MAP4K3: variants seen among roughly 807,000 people sequenced by gnomAD.
MAP4K3 encodes MAPK/ERK kinase kinase kinase 3.
A neutral mutation model predicts 143.5 loss-of-function variants in MAP4K3; 94 were observed. That is an observed-to-expected ratio of 0.65 (90% CI 0.55 to 0.78). MAP4K3 has a LOEUF of 0.78. Ranked by LOEUF, MAP4K3 falls within the 30% of genes least tolerant of loss-of-function variation. MAP4K3 has a pLI of 0.00. For synonymous variants in MAP4K3, 416 were observed against 347.2 expected, an observed-to-expected ratio of 1.20 and a Z score of -2.20; for missense variants, 1,077 against 1,068.1, an observed-to-expected ratio of 1.01 and a Z score of -0.12.
rs141383266 is a variant in MAP4K3 at position 39,263,636 on chromosome 2, A to C, written c.2136+1567T>G. 6.2e-3 allele frequency among the ~76,000 whole-genome samples: 945 copies of C among 152,240 alleles called. 14 individuals carry two copies. The highest frequency in any genetic ancestry group is 0.021 in the African/African-American group (886 of 41,548). On this transcript the variant is annotated intron_variant, in intron 28 of 33. Coordinates refer to ENST00000263881, the MANE Select transcript of MAP4K3 (RefSeq NM_003618.4). ...AAGGAAAGCTAGGTTAAGATTAAGG[A>C]AGGCAGGCAAACATTATAGCTCAGA...
At chr2:39,427,197 G>A (rs1292411758) in intron 1 of MAP4K3, among the ~76,000 whole-genome samples, 1 of 151,842 alleles carries the variant, frequency 6.6e-6, no homozygotes, top group East Asian at 1.9e-4. Context: ...AAAAACAACC[G>A]TTAATTTAGA....
intron 2 of MAP4K3, among the ~76,000 whole-genome samples, chr2:39,375,783 A>T (rs1397069149): frequency 6.6e-6 from 1 of 152,202 alleles, no homozygotes; most frequent in Non-Finnish European, 1.5e-5. Flanking sequence ...TCACCAGATT[A>T]ACTTTCTGAC....
chr2:39,428,943 C>T (rs1437771840), intron 1 of MAP4K3, among the ~76,000 whole-genome samples: 1 of 151,324 alleles, frequency 6.6e-6, no homozygotes, highest in Non-Finnish European at 1.5e-5. Context: ...TGGCACATGC[C>T]TATAATCCCA....
chr2:39,405,921 C>T (rs1462996755), intron 1 of MAP4K3, among the ~76,000 whole-genome samples: 1 of 151,868 alleles, frequency 6.6e-6, no homozygotes, highest in Non-Finnish European at 1.5e-5. Flanking sequence ...CCTGGAGAAA[C>T]CAAGATATGT....
At chr2:39,297,139 CAG>C (rs1682314677) in intron 16 of MAP4K3, among the ~76,000 whole-genome samples, 1 of 150,604 alleles carries the variant, frequency 6.6e-6, no homozygotes, top group African/African-American at 2.4e-5. Flanking sequence ...TTTTTTGAGA[CAG>C]AGTTTCACTC....
intron 7 of MAP4K3, among the ~76,000 whole-genome samples, 200 bp downstream of exon 7, chr2:39,333,332 T>C (rs1411808376): frequency 2.0e-5 from 3 of 152,156 alleles, no homozygotes; most frequent in African/African-American, 7.2e-5. Context: ...ACAACAGATA[T>C]GTCTTATGTG....
chr2:39,254,372 G>C, intron 32 of MAP4K3, 78 bp downstream of exon 32: 1 of 1,130,624 alleles, frequency 8.8e-7, no homozygotes, highest in Non-Finnish European at 1.3e-6. Flanking sequence ...AGCATTACTT[G>C]TATCATTTAG....
chr2:39,333,637 TAATA>T, intron 6 of MAP4K3, 63 bp from the exon 7 acceptor site: 1 of 849,384 alleles, frequency 1.2e-6, no homozygotes. Flanking sequence ...AGCACATATA[TAATA>T]AATATACATA....
intron 1 of MAP4K3, among the ~76,000 whole-genome samples, chr2:39,396,386 G>A (rs966084608): frequency 1.3e-4 from 20 of 151,562 alleles, no homozygotes; most frequent in African/African-American, 4.1e-4. Context: ...GTCCACTTAG[G>A]TAAAATAAGA....
intron 2 of MAP4K3, among the ~76,000 whole-genome samples, chr2:39,362,073 G>T (rs1347953702): frequency 1.3e-5 from 2 of 151,894 alleles, no homozygotes; most frequent in Admixed American, 6.6e-5. Context: ...AATGCCAGTT[G>T]AATCCTGAAA....
intron 16 of MAP4K3, among the ~76,000 whole-genome samples, chr2:39,298,092 T>A (rs1461816879): frequency 2.6e-5 from 4 of 152,046 alleles, no homozygotes; most frequent in African/African-American, 9.7e-5. Context: ...AAAATTTCAG[T>A]CTCTTAAAAT....
intron 1 of MAP4K3, among the ~76,000 whole-genome samples, chr2:39,393,361 C>G (rs182884545): frequency 1.1e-4 from 17 of 152,162 alleles, no homozygotes; most frequent in Admixed American, 2.6e-4. Flanking sequence ...TCCTTAGAAG[C>G]CTTTTACTTA....
intron 1 of MAP4K3, among the ~76,000 whole-genome samples, chr2:39,391,376 A>AAAG: frequency 6.7e-6 from 1 of 150,038 alleles, no homozygotes; most frequent in Non-Finnish European, 1.5e-5. Flanking sequence ...AAAAAAAAAA[A>AAAG]AAAAAGAAAG....
At chr2:39,414,538 C>A (rs1667317424) in intron 1 of MAP4K3, among the ~76,000 whole-genome samples, 1 of 152,144 alleles carries the variant, frequency 6.6e-6, no homozygotes, top group Non-Finnish European at 1.5e-5. Flanking sequence ...AGATCTCTTT[C>A]TTCTACTCTG....
At chr2:39,428,003 T>C (rs1665149280) in intron 1 of MAP4K3, among the ~76,000 whole-genome samples, 1 of 152,206 alleles carries the variant, frequency 6.6e-6, no homozygotes, top group African/African-American at 2.4e-5. Flanking sequence ...CAATCGCAAA[T>C]ACAATTTTTC....
chr2:39,300,781 T>C (rs961310260), intron 15 of MAP4K3, among the ~76,000 whole-genome samples: 1 of 152,194 alleles, frequency 6.6e-6, no homozygotes, highest in Non-Finnish European at 1.5e-5. Context: ...TTTCTCTAAG[T>C]TTCCATAGCA....
In MAP4K3 at chr2:39,387,785, C is replaced by G. The variant is rs951282568; in HGVS notation, c.97-9662G>C. Among the ~76,000 whole-genome samples, 11 of 152,218 alleles carry G rather than the reference C, an allele frequency of 7.2e-5. No homozygotes were observed. In the South Asian group the frequency reaches 1.2e-3, roughly 17 times the overall value. On this transcript the variant is annotated intron_variant, in intron 1 of 33. Transcript: ENST00000263881. ...GCTTCCAGTTCCGTGTATCATGTAT[C>G]TTTACAATAGCCTCTCTTTTCTTAA...
chr2:39,394,461 A>G (rs369791821), intron 1 of MAP4K3, among the ~76,000 whole-genome samples: 1 of 152,206 alleles, frequency 6.6e-6, no homozygotes, highest in East Asian at 1.9e-4. Context: ...AAAAACTCAC[A>G]AGAGCCACAT....
At chr2:39,305,232 T>TA (rs903843104) in intron 15 of MAP4K3, among the ~76,000 whole-genome samples, 7 of 151,798 alleles carry the variant, frequency 4.6e-5, no homozygotes, top group South Asian at 2.1e-4. Context: ...TTTACCACAG[T>TA]AAAAAAAACA....
Sources: allele counts gnomAD v4.1 joint callset (sites outside exome capture counted in the v4.1 genomes callset), GRCh38; gene constraint gnomAD v4.1.1; transcripts MANE v1.5; gene names NCBI Gene and HGNC (gene_info 2026-07-23, HGNC 2026-07-21).